ST8SIA1: variants seen among roughly 807,000 people sequenced by gnomAD.
ST8SIA1 encodes the protein alpha-N-acetylneuraminide alpha-2,8-sialyltransferase.
In ST8SIA1, 16 loss-of-function variants were observed where a neutral mutation model predicts 35.9. The ratio of observed to expected loss-of-function variants is 0.45; its 90% CI spans 0.30 to 0.68. The LOEUF is 0.68. ST8SIA1 is among the 30% of genes least tolerant of loss of function. The pLI is 0.09. For synonymous variants in ST8SIA1, 170 were observed against 169.6 expected (o/e 1.00, Z -0.02); for missense variants, 383 against 453.6 (o/e 0.84, Z 1.41).
rs780232548 is a variant in ST8SIA1 at position 22,201,815 on chromosome 12, C to T, written c.808G>A (p.Ala270Thr). 4.4e-5 allele frequency: 71 copies of T among 1,614,132 alleles called. 1 individual carries two copies. Among genetic ancestry groups the T allele is most frequent in the Non-Finnish European group, 5.9e-5 (70 of 1,179,986 alleles). The change falls in exon 5 of 5, where the codon GCC (alanine) becomes ACC (threonine). Residue 270 changes from alanine to threonine, a missense_variant. Ala to Thr is a moderately conservative substitution (Grantham distance 58). Transcript: ENST00000396037. Reference sequence around the variant, plus strand: ...AAAAGTCCTGTGGACAGGCGCTTGGCATGGATTCCTCTACTTTTCCAGAAC... The same window carrying T: ...AAAAGTCCTGTGGACAGGCGCTTGGTATGGATTCCTCTACTTTTCCAGAAC... ...GKFWKSRGIH[A>T]KRLSTGLFLV...
chr12:22,315,504 A>T (rs1866506757), intron 1 of ST8SIA1, among the ~76,000 whole-genome samples: 1 of 152,096 alleles, frequency 6.6e-6, no homozygotes, highest in African/African-American at 2.4e-5. Flanking sequence ...CCATTTCCCC[A>T]CAAGAATCTA....
In ST8SIA1 at chr12:22,199,550, G is replaced by A. The variant is rs562268485; in HGVS notation, c.*2002C>T. 17 of 152,128 alleles carry A rather than the reference G, an allele frequency of 1.1e-4. No individual in the cohort carries two copies. Among genetic ancestry groups the A allele is most frequent in the East Asian group, 3.9e-4 (2 of 5,178 alleles). The allele number at this position is 152,128 out of a possible 1,614,324, so 9.4% of individuals were successfully genotyped here. The stretch of plus-strand genomic sequence containing the variant: ...ACATTCTCATTATGTTTTTGCTGCC[G>A]TATAGCAAACCAGTTCTCCAATAGC... On this transcript the variant is annotated 3_prime_UTR_variant, in exon 5 of 5. Transcript: ENST00000396037.
chr12:22,258,684 T>C (rs11046351), intron 2 of ST8SIA1, among the ~76,000 whole-genome samples: 71,465 of 151,948 alleles, frequency 0.47, 17,316 homozygotes, highest in Middle Eastern at 0.67. Flanking sequence ...TTTCTTTTCA[T>C]ATAGCTTATT....
intron 4 of ST8SIA1, among the ~76,000 whole-genome samples, chr12:22,244,472 T>G (rs1450421699): frequency 6.6e-6 from 1 of 152,130 alleles, no homozygotes; most frequent in Non-Finnish European, 1.5e-5. Context: ...TTTTAAATAA[T>G]TATTATTATT....
At chr12:22,230,917 A>T (rs117882155) in intron 4 of ST8SIA1, among the ~76,000 whole-genome samples, 7,428 of 152,056 alleles carry the variant, frequency 0.049, 369 homozygotes, top group South Asian at 0.17. Flanking sequence ...TTTAATAAAC[A>T]TTAAGATCTC....
chr12:22,208,507 T>C (rs1865141110), intron 4 of ST8SIA1, among the ~76,000 whole-genome samples: 1 of 152,058 alleles, frequency 6.6e-6, no homozygotes, highest in Non-Finnish European at 1.5e-5. Flanking sequence ...TAAAAATAAA[T>C]ACAACATTTT....
At chr12:22,239,699 T>A (rs958467618) in intron 4 of ST8SIA1, among the ~76,000 whole-genome samples, 1 of 152,238 alleles carries the variant, frequency 6.6e-6, no homozygotes, top group African/African-American at 2.4e-5. Flanking sequence ...ATGGCTTGTG[T>A]GCATTTTGAG....
intron 4 of ST8SIA1, among the ~76,000 whole-genome samples, chr12:22,244,918 A>G (rs1865582442): frequency 6.6e-6 from 1 of 152,196 alleles, no homozygotes; most frequent in South Asian, 2.1e-4. Flanking sequence ...TCACTCATAT[A>G]AATATGACAT....
At position 22,274,310 on chromosome 12, in the gene ST8SIA1, G is replaced by A. The variant is rs542763408; in HGVS notation, c.381+12839C>T. 4.1e-4 allele frequency among the ~76,000 whole-genome samples: 63 copies of A among 152,326 alleles called. 2 individuals carry two copies. The highest frequency in any genetic ancestry group is 1.4e-3 in the African/African-American group (58 of 41,574). On this transcript the variant is annotated intron_variant, in intron 2 of 4. Coordinates refer to ENST00000396037, the MANE Select transcript of ST8SIA1 (RefSeq NM_003034.4). ...TTAAAAAGCTAACTCAAGCTACAGCGTGGTAATGGACTGGAGAAGAGGCCA... is the reference window on the plus strand; with the variant it reads ...TTAAAAAGCTAACTCAAGCTACAGCATGGTAATGGACTGGAGAAGAGGCCA...
At position 22,223,869 on chromosome 12, in the gene ST8SIA1, T is replaced by C. The variant is rs11836129; in HGVS notation, c.585-21831A>G. On this transcript the variant is annotated intron_variant, in intron 4 of 4. Transcript: ENST00000396037. ...GAATGTTTCTAATTGTGCAAAATAATACTTAATTCTGTTATATCTTCTTTT... is the reference window on the plus strand; with the variant it reads ...GAATGTTTCTAATTGTGCAAAATAACACTTAATTCTGTTATATCTTCTTTT... The C allele has an allele frequency of 4.1e-3, 4,263 of 1,034,648 alleles. 147 individuals are homozygous for C. The African/African-American group carries it at 0.068, about 17-fold the overall frequency. 64.1% of individuals were successfully genotyped at this position (1,034,648 alleles called of 1,614,324 possible). A position where few individuals can be genotyped will look rare whatever the true frequency, so the allele number is the denominator to read the frequency against.
At chr12:22,234,372 T>C (rs1404497448) in intron 4 of ST8SIA1, among the ~76,000 whole-genome samples, 1 of 152,222 alleles carries the variant, frequency 6.6e-6, no homozygotes, top group African/African-American at 2.4e-5. Context: ...TAGTCTCTTC[T>C]TGCTTTGGCA....
chr12:22,302,591 T>C (rs1275095637), intron 1 of ST8SIA1, among the ~76,000 whole-genome samples: 1 of 152,142 alleles, frequency 6.6e-6, no homozygotes, highest in African/African-American at 2.4e-5. Context: ...AGAGATCAGA[T>C]AAAACCTGAG....
rs1478577198 is a variant in ST8SIA1, at chr12:22,249,074, A to G, written c.516T>C (p.Ser172=). ...VMRCNLPPLS[S]EYTKDVGSKS... ...TGGATCCAACATCCTTAGTGTATTC[A>G]CTTGACAAAGGAGGGAGATTGCATC... The change falls in exon 4 of 5, where the codon AGT becomes AGC. Residue 172 remains serine (S), a synonymous_variant. Coordinates refer to ENST00000396037, the MANE Select transcript of ST8SIA1 (RefSeq NM_003034.4). 4 of 1,613,626 alleles carry G rather than the reference A, an allele frequency of 2.5e-6. No individual in the cohort carries two copies. Among genetic ancestry groups the G allele is most frequent in the Non-Finnish European group, 3.4e-6 (4 of 1,179,650 alleles).
At chr12:22,331,393 G>A (rs1866762457) in intron 1 of ST8SIA1, among the ~76,000 whole-genome samples, 1 of 152,174 alleles carries the variant, frequency 6.6e-6, no homozygotes. Context: ...GATTGCAAAT[G>A]TTTGTATTTA....
At chr12:22,229,838 C>T (rs1346054227) in intron 4 of ST8SIA1, among the ~76,000 whole-genome samples, 1 of 152,102 alleles carries the variant, frequency 6.6e-6, no homozygotes, top group Non-Finnish European at 1.5e-5. Context: ...GATTCAAGGC[C>T]TGGGACAGGT....
rs1194879986 is a variant in ST8SIA1, at chr12:22,249,076, T to G, written c.514A>C (p.Ser172Arg). The change falls in exon 4 of 5, where the codon AGT becomes CGT. Residue 172 changes from serine (S) to arginine (R), a missense_variant. Transcript: ENST00000396037. ...VMRCNLPPLS[S>R]EYTKDVGSKS... is the part of the protein sequence containing the mutation. ...GATCCAACATCCTTAGTGTATTCAC[T>G]TGACAAAGGAGGGAGATTGCATCTA... is the stretch of plus-strand genomic sequence containing the variant. The G allele has an allele frequency of 6.2e-7, 1 of 1,613,508 alleles. No homozygotes were observed. The highest frequency in any genetic ancestry group is 1.1e-5 in the South Asian group (1 of 91,038).
rs536782305 is a variant in ST8SIA1, at chr12:22,317,866, C to T, written c.236+16131G>A. On this transcript the variant is annotated intron_variant, in intron 1 of 4. Transcript: ENST00000396037. The stretch of plus-strand genomic sequence containing the variant: ...AGGTTGTGCATCACCATGTATAACA[C>T]ATGTTGAGTGTATCTAGATATTTCT... 1.0e-3 allele frequency among the ~76,000 whole-genome samples: 159 copies of T among 152,276 alleles called. 1 individual carries two copies. The highest frequency in any genetic ancestry group is 3.7e-3 in the African/African-American group (154 of 41,548).
chr12:22,330,024 T>C (rs1866739264), intron 1 of ST8SIA1, among the ~76,000 whole-genome samples: 1 of 152,174 alleles, frequency 6.6e-6, no homozygotes, highest in Non-Finnish European at 1.5e-5. Flanking sequence ...CAGCCCACTT[T>C]TCTATGGTGG....
intron 1 of ST8SIA1, among the ~76,000 whole-genome samples, chr12:22,297,862 C>T (rs1866266267): frequency 6.6e-6 from 1 of 151,966 alleles, no homozygotes; most frequent in Non-Finnish European, 1.5e-5. Flanking sequence ...GCTAGAGACC[C>T]CTAGGTAGAT....
Sources: allele counts gnomAD v4.1 joint callset (sites outside exome capture counted in the v4.1 genomes callset), GRCh38; gene constraint gnomAD v4.1.1; transcripts MANE v1.5; gene names NCBI Gene and HGNC (gene_info 2026-07-23, HGNC 2026-07-21).